The following CACNA2D2 variants were observed in gnomAD, a reference collection of about 807,000 sequenced individuals.
CACNA2D2 encodes the protein calcium voltage-gated channel auxiliary subunit alpha2delta 2, also known as voltage-dependent calcium channel subunit alpha-2/delta-2.
In CACNA2D2, 48 loss-of-function variants were observed where a neutral mutation model predicts 166.4. That is an observed-to-expected ratio of 0.29 (90% CI 0.23 to 0.37). The LOEUF (loss-of-function observed/expected upper bound fraction) is 0.37. Ranked by LOEUF, CACNA2D2 falls within the 10% of genes least tolerant of loss-of-function variation. The pLI is 1.00. For missense variants in CACNA2D2, 1,122 were observed against 1,433.0 expected (o/e 0.78, Z 3.50); for synonymous variants, 561 against 573.7 (o/e 0.98, Z 0.32).
chr3:50,480,811 G>A (rs377480764), intron 1 of CACNA2D2, among the ~76,000 whole-genome samples: 43 of 101,994 alleles, frequency 4.2e-4, no homozygotes, highest in African/African-American at 1.6e-3. Flanking sequence ...GCTCAGGGGA[G>A]GGGGAGGGTA....
intron 23 of CACNA2D2, 73 bp downstream of exon 23, chr3:50,370,247 C>G: frequency 1.0e-6 from 1 of 992,020 alleles, no homozygotes; most frequent in South Asian, 1.4e-5. Context: ...GAGCTCCAGG[C>G]AGCAGTGCAG....
intron 1 of CACNA2D2, among the ~76,000 whole-genome samples, chr3:50,497,454 C>G (rs1021792414): frequency 6.6e-6 from 1 of 152,218 alleles, no homozygotes; most frequent in Admixed American, 6.5e-5. Flanking sequence ...GTGAGGCTCT[C>G]CCCTCACCAG....
intron 6 of CACNA2D2, among the ~76,000 whole-genome samples, chr3:50,383,862 G>A (rs901587146): frequency 2.6e-5 from 4 of 152,216 alleles, no homozygotes; most frequent in African/African-American, 7.2e-5. Context: ...TGCTTCAGGG[G>A]CAGGCGGGCA....
rs755797085 is a variant in CACNA2D2, at chr3:50,365,858, G to A, written c.2867C>T (p.Thr956Ile). The change falls in exon 33 of 38, where the codon ACC becomes ATC. Residue 956 changes from threonine to isoleucine, a missense_variant. Thr to Ile is a moderately conservative substitution (Grantham distance 89). Transcript: ENST00000424201. The surrounding 1 kb of genome is among the most constrained non-coding windows in gnomAD (Gnocchi z 4.5). ...GAAPRGVFVP[T>I]VADFLNLAWW... is the part of the protein sequence containing the mutation. The stretch of plus-strand genomic sequence containing the variant: ...GGCCAGGTTAAGGAAATCTGCAACG[G>A]TGGGCTGCAGTGGAGAGAGGGGCGT... The A allele has an allele frequency of 1.2e-6, 2 of 1,613,196 alleles. No homozygotes were observed. The highest frequency in any genetic ancestry group is 2.2e-5 in the South Asian group (2 of 91,076).
Position 50,379,015 on chromosome 3 carries a change from T to C in CACNA2D2, c.1261-22A>G, listed in dbSNP as rs1705148224. On this transcript the variant is annotated intron_variant, in intron 12 of 37. Transcript: ENST00000424201. This position sits in a 1 kb window ranked among gnomAD's most constrained non-coding sequence, Gnocchi z 6.5. ...GCACCTGTGGGGGGTTTGAGGTTAC[T>C]GCTGTGGCCACCAGGGGACAGCCCT... is the stretch of plus-strand genomic sequence containing the variant. 1 of 1,613,868 alleles carries C rather than the reference T, an allele frequency of 6.2e-7. No individual in the cohort carries two copies. Among genetic ancestry groups the C allele is most frequent in the East Asian group, 2.2e-5 (1 of 44,884 alleles).
chr3:50,387,955 C>T (rs1388947782), intron 4 of CACNA2D2, among the ~76,000 whole-genome samples: 5 of 152,200 alleles, frequency 3.3e-5, no homozygotes, highest in African/African-American at 9.7e-5. Context: ...GTGAGGAAGA[C>T]GGAGAACAGA....
chr3:50,382,496 T>A (rs992516211), intron 6 of CACNA2D2, among the ~76,000 whole-genome samples: 9 of 152,192 alleles, frequency 5.9e-5, no homozygotes, highest in African/African-American at 2.2e-4. Flanking sequence ...CGCTGCCTGA[T>A]CCCTGCCCCC....
chr3:50,387,502 C>T (rs1043178428), intron 5 of CACNA2D2, 66 bp downstream of exon 5: 22 of 1,348,078 alleles, frequency 1.6e-5, no homozygotes, highest in Non-Finnish European at 2.2e-5. Flanking sequence ...TGAGTCCTAA[C>T]ATCCATTTTA....
At chr3:50,404,763 G>C (rs1706615222) in intron 3 of CACNA2D2, among the ~76,000 whole-genome samples, 1 of 152,174 alleles carries the variant, frequency 6.6e-6, no homozygotes, top group South Asian at 2.1e-4. Context: ...CTCTTACGTG[G>C]GGTGCCAGCA....
chr3:50,409,639 T>C (rs2106793408), intron 3 of CACNA2D2, among the ~76,000 whole-genome samples: 1 of 152,340 alleles, frequency 6.6e-6, no homozygotes, highest in African/African-American at 2.4e-5. Context: ...ATGAGGAAAC[T>C]GAGTTCAGAG....
intron 3 of CACNA2D2, among the ~76,000 whole-genome samples, chr3:50,423,962 G>A (rs1054248280): frequency 1.3e-5 from 2 of 152,344 alleles, no homozygotes; most frequent in East Asian, 1.9e-4. Context: ...ATCTGTCTGC[G>A]GGGCCTGCCC....
chr3:50,470,894 G>A (rs180733971), intron 2 of CACNA2D2, among the ~76,000 whole-genome samples: 218 of 152,194 alleles, frequency 1.4e-3, no homozygotes, highest in South Asian at 0.01. Flanking sequence ...ACGCCCTCCC[G>A]GGAGCCCCCC....
At chr3:50,453,681 C>G (rs1376065792) in intron 2 of CACNA2D2, among the ~76,000 whole-genome samples, 1 of 152,220 alleles carries the variant, frequency 6.6e-6, no homozygotes, top group African/African-American at 2.4e-5. Context: ...TTCCTGACCA[C>G]CATCCTCACG....
chr3:50,449,649 G>C (rs1188580907), intron 2 of CACNA2D2, among the ~76,000 whole-genome samples: 1 of 152,248 alleles, frequency 6.6e-6, no homozygotes, highest in Non-Finnish European at 1.5e-5. Flanking sequence ...GATGAAAATA[G>C]TGTCAGCCTG....
chr3:50,403,122 C>A (rs924340758), intron 3 of CACNA2D2, among the ~76,000 whole-genome samples: 2 of 152,296 alleles, frequency 1.3e-5, no homozygotes, highest in Non-Finnish European at 2.9e-5. Flanking sequence ...GGAGCACTGC[C>A]CTCACCTCTC....
At chr3:50,373,154 GGGGGAGGGAAA>G in intron 22 of CACNA2D2, 1 of 1,387,200 alleles carries the variant, frequency 7.2e-7, no homozygotes, top group Non-Finnish European at 9.9e-7. Flanking sequence ...CAAACGAAAA[GGGGGAGGGAAA>G]GGGGAGGGGC....
At chr3:50,477,082 A>G (rs570312646) in intron 1 of CACNA2D2, among the ~76,000 whole-genome samples, 2 of 151,908 alleles carry the variant, frequency 1.3e-5, no homozygotes, top group East Asian at 3.9e-4. Flanking sequence ...GGTGCCCGCC[A>G]CCACGCCTGG....
rs1230304798 is a variant in CACNA2D2, at chr3:50,394,304, C to T, written c.406-136G>A. ...CTCCCTTCCCCTCATCCTACGAGAC[C>T]CTCAGAGATTCTCTGCCCCAGACAC... On this transcript the variant is annotated intron_variant, in intron 3 of 37. Coordinates refer to ENST00000424201, the MANE Select transcript of CACNA2D2 (RefSeq NM_006030.4). 7.1e-6 allele frequency: 5 copies of T among 707,736 alleles called. No homozygotes were observed. In the East Asian group the frequency reaches 1.1e-4, roughly 15 times the overall value. 43.8% of individuals were successfully genotyped at this position (707,736 alleles called of 1,614,324 possible). A position where few individuals can be genotyped will look rare whatever the true frequency, so the allele number is the denominator to read the frequency against.
chr3:50,364,841 C>A (rs770522648), intron 37 of CACNA2D2, 35 bp from the exon 38 acceptor site: 2 of 1,613,082 alleles, frequency 1.2e-6, no homozygotes, highest in Admixed American at 1.7e-5. Context: ...TCGGCCTGGG[C>A]GGGCGCAAGG....
Sources: gnomAD v4.1 joint callset for allele counts (sites outside exome capture counted in the v4.1 genomes callset) on GRCh38, gnomAD v4.1.1 for gene constraint, Gnocchi (gnomAD v3.1) non-coding constraint, MANE v1.5 for transcripts, NCBI Gene and HGNC (gene_info 2026-07-23, HGNC 2026-07-21) for gene names.